The following SCHIP1 variants were observed in gnomAD, a reference collection of about 807,000 sequenced individuals.
SCHIP1 encodes schwannomin-interacting protein 1.
A neutral mutation model predicts 29.7 loss-of-function variants in SCHIP1; 8 were observed. The observed-to-expected ratio is 0.27, with a 90% CI of 0.16 to 0.49. The LOEUF (loss-of-function observed/expected upper bound fraction) is 0.49. Ranked by LOEUF, SCHIP1 falls within the 20% of genes least tolerant of loss-of-function variation. SCHIP1 has a pLI of 0.99. For missense variants in SCHIP1, 193 were observed against 294.6 expected, an observed-to-expected ratio of 0.66 and a Z score of 2.52; for synonymous variants, 76 against 94.9, an observed-to-expected ratio of 0.80 and a Z score of 1.16.
intron 1 of SCHIP1, among the ~76,000 whole-genome samples, chr3:159,842,262 A>T (rs1056172877): frequency 2.6e-5 from 4 of 152,160 alleles, no homozygotes; most frequent in Non-Finnish European, 5.9e-5. Flanking sequence ...CCCATAAATG[A>T]TGTATGCCAA....
At chr3:159,379,176 A>T in the SCHIP1 span, among the ~76,000 whole-genome samples, 84,385 of 151,712 alleles carry the variant, frequency 0.56, 23,844 homozygotes, top group Non-Finnish European at 0.6. Context: ...GTGATATAAT[A>T]TGTAATTACT....
the SCHIP1 span, among the ~76,000 whole-genome samples, chr3:159,398,611 T>G: frequency 1.3e-5 from 2 of 152,146 alleles, no homozygotes; most frequent in African/African-American, 2.4e-5. Flanking sequence ...TTGCAGGTGA[T>G]TTGATCTCAG....
the SCHIP1 span, among the ~76,000 whole-genome samples, chr3:159,717,459 T>C: frequency 6.6e-6 from 1 of 151,958 alleles, no homozygotes; most frequent in African/African-American, 2.4e-5. Context: ...TTTGAAAAGA[T>C]CAACAAAATT....
At chr3:159,682,065 AG>A in the SCHIP1 span, among the ~76,000 whole-genome samples, 1 of 152,222 alleles carries the variant, frequency 6.6e-6, no homozygotes, top group African/African-American at 2.4e-5. Context: ...TGCTATGTGC[AG>A]GAGGGATGAT....
At chr3:159,872,975 A>G (rs759182068) in intron 2 of SCHIP1, among the ~76,000 whole-genome samples, 4 of 152,224 alleles carry the variant, frequency 2.6e-5, no homozygotes, top group Non-Finnish European at 5.9e-5. Context: ...TGGTACTCCA[A>G]AATGTACCAG....
chr3:159,824,642 G>T, the SCHIP1 span, among the ~76,000 whole-genome samples: 1 of 152,202 alleles, frequency 6.6e-6, no homozygotes, highest in African/African-American at 2.4e-5. Context: ...CAAGTGCCTG[G>T]AGTACTGAAA....
the SCHIP1 span, among the ~76,000 whole-genome samples, chr3:159,537,289 A>C: frequency 3.3e-5 from 5 of 152,030 alleles, no homozygotes. Context: ...TTGCCCCAAC[A>C]CCTTGAACCA....
chr3:159,626,139 T>TCTAG, the SCHIP1 span, among the ~76,000 whole-genome samples: 1 of 110,002 alleles, frequency 9.1e-6, no homozygotes, highest in African/African-American at 7.2e-5. Context: ...GATAGATAGA[T>TCTAG]ATATCTAGAT....
chr3:159,703,229 G>T, the SCHIP1 span, among the ~76,000 whole-genome samples: 2 of 152,200 alleles, frequency 1.3e-5, no homozygotes, highest in Non-Finnish European at 2.9e-5. Flanking sequence ...GTACCAAGGA[G>T]CATCCCAGCG....
chr3:159,464,074 G>T, the SCHIP1 span, among the ~76,000 whole-genome samples: 1 of 152,134 alleles, frequency 6.6e-6, no homozygotes, highest in South Asian at 2.1e-4. Context: ...TCTTTTGCAA[G>T]ATAGATTTCC....
At chr3:159,498,763 A>G in the SCHIP1 span, among the ~76,000 whole-genome samples, 1 of 152,178 alleles carries the variant, frequency 6.6e-6, no homozygotes, top group South Asian at 2.1e-4. Context: ...ACTAACGAAA[A>G]GAGAATAACT....
At chr3:159,366,563 G>A in the SCHIP1 span, among the ~76,000 whole-genome samples, 1 of 152,108 alleles carries the variant, frequency 6.6e-6, no homozygotes, top group Non-Finnish European at 1.5e-5. Flanking sequence ...ACTTCACATG[G>A]TGGCATAGAG....
chr3:159,421,065 C>T, the SCHIP1 span, among the ~76,000 whole-genome samples: 1 of 152,158 alleles, frequency 6.6e-6, no homozygotes, highest in Non-Finnish European at 1.5e-5. Flanking sequence ...TGCAGTAAGA[C>T]CTGAGACCAT....
chr3:159,581,597 T>C, the SCHIP1 span, among the ~76,000 whole-genome samples: 41 of 152,130 alleles, frequency 2.7e-4, no homozygotes, highest in African/African-American at 9.2e-4. Flanking sequence ...GAGGACACCA[T>C]GTGAAAAGCC....
At chr3:159,406,537 A>C in the SCHIP1 span, among the ~76,000 whole-genome samples, 3 of 152,246 alleles carry the variant, frequency 2.0e-5, no homozygotes, top group African/African-American at 7.2e-5. Flanking sequence ...ATAAGTAAGC[A>C]TCTGAAAGTA....
chr3:159,647,023 G>A, the SCHIP1 span, among the ~76,000 whole-genome samples: 12 of 152,194 alleles, frequency 7.9e-5, no homozygotes, highest in African/African-American at 2.9e-4. Context: ...ATAATGGTGT[G>A]TGGTTGTCAG....
At chr3:159,535,983 C>T in the SCHIP1 span, among the ~76,000 whole-genome samples, 1 of 152,266 alleles carries the variant, frequency 6.6e-6, no homozygotes, top group South Asian at 2.1e-4. Context: ...CTATTAGCCA[C>T]ATGTGACTAT....
the SCHIP1 span, among the ~76,000 whole-genome samples, chr3:159,521,838 C>T: frequency 2.4e-4 from 36 of 152,238 alleles, no homozygotes; most frequent in South Asian, 8.3e-4. Flanking sequence ...GTGTGAAATA[C>T]GCATAGCCAA....
At chr3:159,700,479 G>C in the SCHIP1 span, among the ~76,000 whole-genome samples, 11 of 152,310 alleles carry the variant, frequency 7.2e-5, no homozygotes, top group Admixed American at 3.3e-4. Context: ...GAGTACAGAT[G>C]TATGTAGGTA....
Sources: allele counts gnomAD v4.1 joint callset (sites outside exome capture counted in the v4.1 genomes callset), GRCh38; gene constraint gnomAD v4.1.1; transcripts MANE v1.5; gene names NCBI Gene and HGNC (gene_info 2026-07-23, HGNC 2026-07-21).